MMADHC: variants seen among roughly 807,000 people sequenced by gnomAD.
MMADHC encodes metabolism of cobalamin associated D, also known as cobalamin trafficking protein CblD.
MMADHC carries 23 observed loss-of-function variants against 36.3 expected under a neutral mutation model. The observed-to-expected ratio is 0.63, with a 90% CI of 0.46 to 0.90. The LOEUF (loss-of-function observed/expected upper bound fraction) is 0.90, where lower values mean the gene tolerates loss of function less well. MMADHC is among the 40% of genes least tolerant of loss of function. The probability of loss-of-function intolerance (pLI) is 0.00; values close to 1 mark genes in which losing one functional copy is unlikely to be tolerated. For synonymous variants in MMADHC, 97 were observed against 116.1 expected (o/e 0.84, Z 1.06); for missense variants, 330 against 348.0 (o/e 0.95, Z 0.41).
intron 6 of MMADHC, among the ~76,000 whole-genome samples, chr2:149,573,521 A>G (rs1482492961): frequency 1.3e-5 from 2 of 152,322 alleles, no homozygotes; most frequent in African/African-American, 4.8e-5. Flanking sequence ...TTGAAATAAA[A>G]ATCAATTAGA....
chr2:149,586,071 T>C (rs745396527), intron 2 of MMADHC, among the ~76,000 whole-genome samples: 1 of 152,206 alleles, frequency 6.6e-6, no homozygotes, highest in Non-Finnish European at 1.5e-5. Context: ...CCAAGACTAG[T>C]AATCTATTCT....
At position 149,576,736 on chromosome 2, in the gene MMADHC, G is replaced by A. The variant is rs1018722568; in HGVS notation, c.373-194C>T. Among the ~76,000 whole-genome samples the A allele has an allele frequency of 2.6e-5, 4 of 152,124 alleles. No homozygotes were observed. The East Asian group carries it at 5.8e-4, about 22-fold the overall frequency. On this transcript the variant is annotated intron_variant, in intron 4 of 7. Transcript: ENST00000303319. ...TCTACAATGAATATAAGATTTGGAA[G>A]TTCAAAAAATGTGAATACAGCAGAG...
intron 2 of MMADHC, among the ~76,000 whole-genome samples, chr2:149,585,051 AAAAAAG>A (rs1682847664): frequency 6.6e-6 from 1 of 151,662 alleles, no homozygotes; most frequent in Non-Finnish European, 1.5e-5. Flanking sequence ...TCAAAAAAAA[AAAAAAG>A]AAAAAAGAAA....
At chr2:149,572,705 C>G (rs1682661960) in intron 6 of MMADHC, among the ~76,000 whole-genome samples, 1 of 152,100 alleles carries the variant, frequency 6.6e-6, no homozygotes, top group African/African-American at 2.4e-5. Context: ...CTGAGTTAGT[C>G]TGCAGAACTA....
intron 4 of MMADHC, among the ~76,000 whole-genome samples, chr2:149,579,134 C>T (rs745375904): frequency 1.3e-5 from 2 of 151,264 alleles, no homozygotes; most frequent in Admixed American, 6.6e-5. Context: ...AACAGGGAAC[C>T]TAAATTTCCA....
intron 2 of MMADHC, 61 bp downstream of exon 2, chr2:149,587,028 T>A: frequency 6.5e-7 from 1 of 1,540,706 alleles, no homozygotes; most frequent in Non-Finnish European, 9.0e-7. Context: ...AACCCGTTCT[T>A]TCATTCCTAA....
chr2:149,581,432 AAGGATTCCATGTCCAATATCTTT>A (rs1682791937), intron 3 of MMADHC, among the ~76,000 whole-genome samples: 1 of 152,152 alleles, frequency 6.6e-6, no homozygotes, highest in Non-Finnish European at 1.5e-5. Context: ...GCCATGAAAA[AAGGATTCCATGTCCAATATCTTT>A]AGGACACATT....
intron 2 of MMADHC, 48 bp downstream of exon 2, chr2:149,587,041 T>C (rs769806236): frequency 3.1e-6 from 5 of 1,589,004 alleles, no homozygotes; most frequent in Middle Eastern, 3.3e-4. Context: ...ATTCCTAACA[T>C]TCCCAAACGA....
intron 1 of MMADHC, chr2:149,587,448 G>C (rs1682890586): frequency 2.6e-6 from 1 of 384,462 alleles, no homozygotes; most frequent in Non-Finnish European, 4.8e-6. Context: ...GATCGAAGCG[G>C]CTGCTTTAAC....
chr2:149,576,422 T>TA lies in MMADHC; in HGVS notation c.478+14dup, dbSNP rs773782197. The stretch of plus-strand genomic sequence containing the variant: ...AAATTAGTAACAGTGTTTCAAAGTA[T>TA]AAAGCATGACATACCTTTTCGCAGC... On this transcript the variant is annotated intron_variant, in intron 5 of 7. Transcript: ENST00000303319. 5 of 1,543,326 alleles carry TA rather than the reference T, an allele frequency of 3.2e-6. No individual in the cohort carries two copies. In the African/African-American group the frequency reaches 6.8e-5, roughly 21 times the overall value.
intron 6 of MMADHC, 30 bp from the exon 7 acceptor site, chr2:149,571,201 A>G (rs759126014): frequency 2.9e-6 from 4 of 1,363,536 alleles, no homozygotes; most frequent in Non-Finnish European, 4.1e-6. Context: ...TAATATGCTT[A>G]AGATAGCATT....
In MMADHC at chr2:149,570,016, T is replaced by G; in HGVS notation, c.849A>C (p.Ala283=). 1 of 1,613,744 alleles carries G rather than the reference T, an allele frequency of 6.2e-7. No individual in the cohort carries two copies. The highest frequency in any genetic ancestry group is 8.5e-7 in the Non-Finnish European group (1 of 1,179,722). ...HVVVGSIFTN[A]TPDSHIMKKL... ...TCTTCATAATATGGCTGTCTGGTGTTGCATTAGTGAAGATACTCCCTACAA... is the reference window on the plus strand; with the variant it reads ...TCTTCATAATATGGCTGTCTGGTGTGGCATTAGTGAAGATACTCCCTACAA... The change falls in exon 8 of 8, where the codon GCA becomes GCC. Residue 283 remains alanine (A), a synonymous_variant. Coordinates refer to ENST00000303319, the MANE Select transcript of MMADHC (RefSeq NM_015702.3).
At chr2:149,582,376 A>G in intron 2 of MMADHC, 105 bp from the exon 3 acceptor site, 3 of 1,101,510 alleles carry the variant, frequency 2.7e-6, no homozygotes, top group Non-Finnish European at 4.1e-6. Flanking sequence ...TTTAAAACCA[A>G]CATTTATTCT....
intron 3 of MMADHC, 81 bp from the exon 4 acceptor site, chr2:149,579,729 T>C (rs1682769195): frequency 3.5e-6 from 4 of 1,139,482 alleles, no homozygotes; most frequent in Non-Finnish European, 3.8e-6. Flanking sequence ...CTTCTTAAAA[T>C]TATGTATATT....
At chr2:149,573,189 G>A (rs547406052) in intron 6 of MMADHC, among the ~76,000 whole-genome samples, 6 of 152,150 alleles carry the variant, frequency 3.9e-5, no homozygotes, top group South Asian at 2.1e-4. Flanking sequence ...ACCACAATGG[G>A]GTCACTCATG....
At position 149,575,360 on chromosome 2, in the gene MMADHC, A is replaced by G. The variant is rs183694507; in HGVS notation, c.609+351T>C. Among the ~76,000 whole-genome samples the G allele has an allele frequency of 3.4e-5, 5 of 149,096 alleles. No homozygotes were observed. The East Asian group carries it at 1.0e-3, about 30-fold the overall frequency. On this transcript the variant is annotated intron_variant, in intron 6 of 7. Coordinates refer to ENST00000303319, the MANE Select transcript of MMADHC (RefSeq NM_015702.3). The stretch of plus-strand genomic sequence containing the variant: ...GTTCTAAGCCCAGGAGAAAGGGGAT[A>G]GATTTGGAGGGGAAGATGGGGAGAT...
intron 3 of MMADHC, among the ~76,000 whole-genome samples, chr2:149,581,886 T>C (rs1682799201): frequency 6.6e-6 from 1 of 152,184 alleles, no homozygotes; most frequent in Admixed American, 6.5e-5. Flanking sequence ...CAGGGAAGAC[T>C]CTATGTTTGA....
In MMADHC at chr2:149,569,847, G is replaced by T; in HGVS notation, c.*127C>A. On this transcript the variant is annotated 3_prime_UTR_variant, in exon 8 of 8. Coordinates refer to ENST00000303319, the MANE Select transcript of MMADHC (RefSeq NM_015702.3). ...AAATCCCAAATCACTTGCCAATGTT[G>T]TAAATTCATAAATGCTGAAATAAAT... 1 of 883,052 alleles carries T rather than the reference G, an allele frequency of 1.1e-6. No homozygotes were observed. Among genetic ancestry groups the T allele is most frequent in the Non-Finnish European group, 1.7e-6 (1 of 578,172 alleles). 54.7% of individuals were successfully genotyped at this position (883,052 alleles called of 1,614,324 possible). A position where few individuals can be genotyped will look rare whatever the true frequency, so the allele number is the denominator to read the frequency against.
In MMADHC at chr2:149,576,408, A is replaced by T; in HGVS notation, c.478+29T>A. The T allele has an allele frequency of 2.1e-6, 3 of 1,421,578 alleles. No individual in the cohort carries two copies. In the Middle Eastern group the frequency reaches 5.3e-4, roughly 250 times the overall value. The allele number at this position is 1,421,578 out of a possible 1,614,324, so 88.1% of individuals were successfully genotyped here. ...TCAACATATTAAAAAAATTAGTAAC[A>T]GTGTTTCAAAGTATAAAGCATGACA... On this transcript the variant is annotated intron_variant, in intron 5 of 7. Coordinates refer to ENST00000303319, the MANE Select transcript of MMADHC (RefSeq NM_015702.3).
Sources: allele counts gnomAD v4.1 joint callset (sites outside exome capture counted in the v4.1 genomes callset), GRCh38; gene constraint gnomAD v4.1.1; transcripts MANE v1.5; gene names NCBI Gene and HGNC (gene_info 2026-07-23, HGNC 2026-07-21).